FBXO42: variants seen among roughly 807,000 people sequenced by gnomAD.
FBXO42 encodes the protein F-box only protein 42.
In FBXO42, 12 loss-of-function variants were observed where a neutral mutation model predicts 71.7. The observed-to-expected ratio is 0.17, with a 90% CI of 0.11 to 0.27. The LOEUF (loss-of-function observed/expected upper bound fraction) is 0.27, where lower values mean the gene tolerates loss of function less well. Among genes scored for constraint, FBXO42 ranks in the 10% least tolerant of loss-of-function variants. The pLI is 1.00. For missense variants in FBXO42, 707 were observed against 911.9 expected (o/e 0.78, Z 2.89); for synonymous variants, 325 against 327.5 (o/e 0.99, Z 0.08).
At position 16,335,196 on chromosome 1, in the gene FBXO42, G is replaced by A. The variant is rs564569768; in HGVS notation, c.-18+17059C>T. ...GTATCCCAGCGACTCAGGAGTCTGA[G>A]GTGGGAGGACTGTTTGAGGCCAGGA... is the stretch of plus-strand genomic sequence containing the variant. On this transcript the variant is annotated intron_variant, in intron 1 of 9. Transcript: ENST00000375592. Among the ~76,000 whole-genome samples, 10 of 152,178 alleles carry A rather than the reference G, an allele frequency of 6.6e-5. No homozygotes were observed. The East Asian group carries it at 1.9e-3, about 29-fold the overall frequency.
chr1:16,306,002 T>A, intron 2 of FBXO42, 83 bp from the exon 3 acceptor site: 1 of 972,942 alleles, frequency 1.0e-6, no homozygotes. Context: ...TACCTGTTTT[T>A]ATCATTTTTA....
At chr1:16,336,453 G>A (rs543739959) in intron 1 of FBXO42, among the ~76,000 whole-genome samples, 1 of 151,490 alleles carries the variant, frequency 6.6e-6, no homozygotes, top group South Asian at 2.1e-4. Flanking sequence ...CCACCTCCTG[G>A]GTTAAAGCAG....
rs984147067 is a variant in FBXO42, at chr1:16,347,944, G to A, written c.-18+4311C>T. ...GTGGAGCTTGCAGTGAGCCGAGATC[G>A]CGCCACTGCACTCTATCTAGCCTGG... On this transcript the variant is annotated intron_variant, in intron 1 of 9. Transcript: ENST00000375592. 2.7e-5 allele frequency among the ~76,000 whole-genome samples: 4 copies of A among 149,152 alleles called. 1 individual carries two copies. The South Asian group carries it at 6.3e-4, about 24-fold the overall frequency.
At chr1:16,309,766 C>T (rs561302014) in intron 2 of FBXO42, among the ~76,000 whole-genome samples, 7 of 151,340 alleles carry the variant, frequency 4.6e-5, no homozygotes, top group East Asian at 3.9e-4. Context: ...CGGGTGTGGC[C>T]GGGTGCAGTG....
Position 16,252,345 on chromosome 1 carries a change from G to A in FBXO42, c.981C>T (p.Leu327=), listed in dbSNP as rs1455701670. Reference sequence around the variant, plus strand: ...CCCCATGCTCTTCATTTTCTACCTTGAGTGGCTGCCAGGCCCAAGGACCAG... The same window carrying A: ...CCCCATGCTCTTCATTTTCTACCTTAAGTGGCTGCCAGGCCCAAGGACCAG... ...MHSGPWAWQP[L]KVENEEHGAP... is the part of the protein sequence containing the mutation. The change falls in exon 9 of 10, where the codon CTC becomes CTT. Residue 327 remains leucine, a synonymous_variant. Transcript: ENST00000375592. The surrounding 1 kb of genome is among the most constrained non-coding windows in gnomAD (Gnocchi z 4.4). The A allele has an allele frequency of 1.9e-6, 3 of 1,614,152 alleles. No homozygotes were observed. The highest frequency in any genetic ancestry group is 2.2e-5 in the East Asian group (1 of 44,890).
intron 4 of FBXO42, among the ~76,000 whole-genome samples, chr1:16,278,746 C>T (rs373498921): frequency 2.0e-5 from 3 of 152,056 alleles, no homozygotes; most frequent in African/African-American, 7.2e-5. Context: ...ATATTCTGGA[C>T]AGTTATTTCT....
intron 4 of FBXO42, among the ~76,000 whole-genome samples, chr1:16,263,667 G>A (rs951880560): frequency 2.6e-5 from 4 of 151,044 alleles, no homozygotes; most frequent in Non-Finnish European, 5.9e-5. Flanking sequence ...AGGTTGCAGT[G>A]AGCCAAGATC....
intron 1 of FBXO42, among the ~76,000 whole-genome samples, chr1:16,331,836 A>G (rs892082672): frequency 2.0e-5 from 3 of 152,160 alleles, no homozygotes; most frequent in Non-Finnish European, 4.4e-5. Context: ...AGATCACCTG[A>G]GGTCAGGAGT....
At chr1:16,321,959 G>A (rs115795596) in intron 1 of FBXO42, among the ~76,000 whole-genome samples, 3,268 of 151,484 alleles carry the variant, frequency 0.022, 124 homozygotes, top group African/African-American at 0.074. Context: ...ACCTGAGGAC[G>A]GGAGCTCAAG....
At position 16,284,969 on chromosome 1, in the gene FBXO42, C is replaced by CA. The variant is rs2082006527; in HGVS notation, c.502+9813dup. Among the ~76,000 whole-genome samples the CA allele has an allele frequency of 9.1e-5, 6 of 65,602 alleles. No homozygotes were observed. In the South Asian group the frequency reaches 1.2e-3, roughly 13 times the overall value. 43.0% of individuals were successfully genotyped at this position (65,602 alleles called of 152,430 possible). On this transcript the variant is annotated intron_variant, in intron 4 of 9. Coordinates refer to ENST00000375592, the MANE Select transcript of FBXO42 (RefSeq NM_018994.3). Reference sequence around the variant, plus strand: ...GGGCAACAAGAGCAAAACTCTGTCTCAAAAAACAAAACAAAACAAAAATAA... The same window carrying CA: ...GGGCAACAAGAGCAAAACTCTGTCTCAAAAAAACAAAACAAAACAAAAATAA...
chr1:16,250,971 G>A lies in FBXO42; in HGVS notation c.1853C>T (p.Ala618Val). 3.1e-6 allele frequency: 5 copies of A among 1,614,200 alleles called. No homozygotes were observed. The highest frequency in any genetic ancestry group is 4.2e-6 in the Non-Finnish European group (5 of 1,180,034). Residue 618 changes from alanine to valine, a missense_variant, in exon 10 of 10, where the codon GCT (alanine) becomes GTT (valine). This residue lies in a region of FBXO42 where 482 missense variants were observed against 587.1 expected (regional missense o/e 0.82). Transcript: ENST00000375592. The surrounding 1 kb of genome is among the most constrained non-coding windows in gnomAD (Gnocchi z 4.7). The part of the protein sequence containing the change: ...QGDGHSLPPI[A>V]RRLGHHPPQS... ...TGGAGGGTGGTGGCCCAGGCGGCGAGCAATGGGAGGTAAGGAATGTCCATC... is the reference window on the plus strand; with the variant it reads ...TGGAGGGTGGTGGCCCAGGCGGCGAACAATGGGAGGTAAGGAATGTCCATC...
intron 4 of FBXO42, among the ~76,000 whole-genome samples, chr1:16,277,173 A>G (rs1188224549): frequency 6.6e-6 from 1 of 152,252 alleles, no homozygotes; most frequent in Non-Finnish European, 1.5e-5. Context: ...CTAGGAGTAT[A>G]TTTGAAAGGC....
intron 4 of FBXO42, among the ~76,000 whole-genome samples, chr1:16,271,339 G>C (rs1193921053): frequency 6.6e-6 from 1 of 151,004 alleles, no homozygotes; most frequent in African/African-American, 2.4e-5. Flanking sequence ...GGAGTGCAGT[G>C]GCATGATCTC....
At chr1:16,330,517 T>C (rs2082490102) in intron 1 of FBXO42, among the ~76,000 whole-genome samples, 1 of 151,260 alleles carries the variant, frequency 6.6e-6, no homozygotes, top group Non-Finnish European at 1.5e-5. Context: ...CCACAAAAAT[T>C]AATTTATTTG....
intron 1 of FBXO42, among the ~76,000 whole-genome samples, chr1:16,333,845 T>C (rs1214818483): frequency 2.0e-5 from 3 of 152,168 alleles, no homozygotes; most frequent in Admixed American, 2.0e-4. Context: ...AAACTGTTAA[T>C]ACTAGTTCAA....
chr1:16,250,587 T>C lies in FBXO42; in HGVS notation c.*83A>G. 6.7e-7 allele frequency: 1 copy of C among 1,482,906 alleles called. No homozygotes were observed. The highest frequency in any genetic ancestry group is 1.4e-5 in the African/African-American group (1 of 71,106). The allele number at this position is 1,482,906 out of a possible 1,614,324, so 91.9% of individuals were successfully genotyped here. On this transcript the variant is annotated 3_prime_UTR_variant, in exon 10 of 10. Coordinates refer to ENST00000375592, the MANE Select transcript of FBXO42 (RefSeq NM_018994.3). The surrounding 1 kb of genome is among the most constrained non-coding windows in gnomAD (Gnocchi z 4.7). Reference sequence around the variant, plus strand: ...TTTTGGCTTCTGGGAGTAATTTTGTTTTCCCAATTCTCAGTCCAAATGCTT... The same window carrying C: ...TTTTGGCTTCTGGGAGTAATTTTGTCTTCCCAATTCTCAGTCCAAATGCTT...
intron 1 of FBXO42, among the ~76,000 whole-genome samples, chr1:16,319,680 A>T (rs1411503567): frequency 1.3e-5 from 2 of 152,128 alleles, no homozygotes; most frequent in African/African-American, 4.8e-5. Flanking sequence ...TGGGAAGCTT[A>T]GGCAGGCGGA....
At chr1:16,304,833 G>A (rs1434468615) in intron 3 of FBXO42, among the ~76,000 whole-genome samples, 1 of 152,038 alleles carries the variant, frequency 6.6e-6, no homozygotes, top group Non-Finnish European at 1.5e-5. Flanking sequence ...GCCAGGTGTG[G>A]TGGCACACAC....
chr1:16,302,883 G>A (rs2082209882), intron 3 of FBXO42, among the ~76,000 whole-genome samples: 1 of 152,044 alleles, frequency 6.6e-6, no homozygotes, highest in South Asian at 2.1e-4. Context: ...GGAGGAAACC[G>A]CCCCCATGAT....
Sources: allele counts gnomAD v4.1 joint callset (sites outside exome capture counted in the v4.1 genomes callset), GRCh38; gene constraint gnomAD v4.1.1; regional missense constraint gnomAD v4.1.1; non-coding constraint Gnocchi (gnomAD v3.1); transcripts MANE v1.5; gene names NCBI Gene and HGNC (gene_info 2026-07-23, HGNC 2026-07-21).